GID4: variants seen among roughly 807,000 people sequenced by gnomAD.
GID4 encodes GID complex subunit 4 homolog.
A neutral mutation model predicts 32.4 loss-of-function variants in GID4; 7 were observed. The observed-to-expected ratio is 0.22, with a 90% CI of 0.12 to 0.41. GID4 has a LOEUF of 0.41. Among genes scored for constraint, GID4 ranks in the 10% least tolerant of loss-of-function variants. The pLI is 1.00. For missense variants in GID4, 309 were observed against 400.0 expected (o/e 0.77, Z 1.94); for synonymous variants, 166 against 170.0 (o/e 0.98, Z 0.18).
Position 18,067,103 on chromosome 17 carries a change from T to TGTTGAGCTGATGGCCTTG in GID4, c.*1874_*1891dup, listed in dbSNP as rs1265603589. 1.3e-5 allele frequency: 2 copies of TGTTGAGCTGATGGCCTTG among 152,342 alleles called. No individual in the cohort carries two copies. Among genetic ancestry groups the TGTTGAGCTGATGGCCTTG allele is most frequent in the Non-Finnish European group, 2.9e-5 (2 of 68,156 alleles). The allele number at this position is 152,342 out of a possible 1,614,324, so 9.4% of individuals were successfully genotyped here. On this transcript the variant is annotated 3_prime_UTR_variant, in exon 6 of 6. Coordinates refer to ENST00000268719, the MANE Select transcript of GID4 (RefSeq NM_024052.5). ...TGTGAGGAGATGCTCACTGTGGTCTTGTTGAGCTGATGGCCTTGGTTGAGC... is the reference window on the plus strand; with the variant it reads ...TGTGAGGAGATGCTCACTGTGGTCTTGTTGAGCTGATGGCCTTGGTTGAGCTGATGGCCTTGGTTGAGC...
chr17:18,055,170 CAAAAAAA>C (rs1229089550), intron 3 of GID4, among the ~76,000 whole-genome samples: 1 of 59,754 alleles, frequency 1.7e-5, no homozygotes, highest in Non-Finnish European at 3.5e-5. Context: ...GACTCCGTCT[CAAAAAAA>C]AAAAAAAAAA....
At chr17:18,063,744 A>G (rs1192459676) in intron 5 of GID4, among the ~76,000 whole-genome samples, 1 of 152,026 alleles carries the variant, frequency 6.6e-6, no homozygotes. Flanking sequence ...TTACAGGTAT[A>G]TACAACTTTT....
At chr17:18,041,029 C>G (rs2044795938) in intron 1 of GID4, among the ~76,000 whole-genome samples, 1 of 152,146 alleles carries the variant, frequency 6.6e-6, no homozygotes, top group South Asian at 2.1e-4. Flanking sequence ...TATCTCCCCT[C>G]CCCACAAAAC....
In GID4 at chr17:18,061,338, T is replaced by C. The variant is rs1055848054; in HGVS notation, c.709-507T>C. Among the ~76,000 whole-genome samples, 4 of 152,146 alleles carry C rather than the reference T, an allele frequency of 2.6e-5. No individual in the cohort carries two copies. Among genetic ancestry groups the C allele is most frequent in the African/African-American group, 7.2e-5 (3 of 41,414 alleles). ...CGTTCTGACTGCTTTTGACAAGGCG[T>C]CAAGCTCTTGGAGGGGGTGTCACAG... On this transcript the variant is annotated intron_variant, in intron 4 of 5. Transcript: ENST00000268719. The surrounding 1 kb of genome is among the most constrained non-coding windows in gnomAD (Gnocchi z 4.4).
Position 18,061,823 on chromosome 17 carries a change from G to T in GID4, c.709-22G>T. On this transcript the variant is annotated intron_variant, in intron 4 of 5. Coordinates refer to ENST00000268719, the MANE Select transcript of GID4 (RefSeq NM_024052.5). The surrounding 1 kb of genome is among the most constrained non-coding windows in gnomAD (Gnocchi z 4.4). Reference sequence around the variant, plus strand: ...TGGTCAGAGAATGCTATCTGTTACTGACCCTCTTCATCTGTGTGCAGGAAC... The same window carrying T: ...TGGTCAGAGAATGCTATCTGTTACTTACCCTCTTCATCTGTGTGCAGGAAC... 6.2e-7 allele frequency: 1 copy of T among 1,613,564 alleles called. No individual in the cohort carries two copies. The highest frequency in any genetic ancestry group is 1.1e-5 in the South Asian group (1 of 91,044).
At chr17:18,064,078 T>C (rs1597700541) in intron 5 of GID4, among the ~76,000 whole-genome samples, 1 of 152,228 alleles carries the variant, frequency 6.6e-6, no homozygotes, top group South Asian at 2.1e-4. Context: ...ATTCATTATT[T>C]AGTGGACACT....
At chr17:18,057,222 A>C (rs1023237915) in intron 3 of GID4, 15 of 597,576 alleles carry the variant, frequency 2.5e-5, no homozygotes, top group Non-Finnish European at 4.2e-5. Flanking sequence ...ACCTGAGGTC[A>C]GGAGTTCGAG....
chr17:18,060,263 T>C (rs1304085400), intron 4 of GID4, among the ~76,000 whole-genome samples: 1 of 151,302 alleles, frequency 6.6e-6, no homozygotes, highest in Non-Finnish European at 1.5e-5. Context: ...CCAGGTGTAG[T>C]GGTGCACGCC....
chr17:18,059,731 A>T (rs1201059891), intron 4 of GID4, among the ~76,000 whole-genome samples: 1 of 152,196 alleles, frequency 6.6e-6, no homozygotes, highest in Non-Finnish European at 1.5e-5. Flanking sequence ...CAGCTTTCAT[A>T]AAGATGAATC....
At chr17:18,043,829 G>C (rs2044825588) in intron 1 of GID4, among the ~76,000 whole-genome samples, 1 of 152,148 alleles carries the variant, frequency 6.6e-6, no homozygotes. Context: ...TAAAATCTCA[G>C]TGTACCACAG....
At chr17:18,041,483 G>A (rs911327621) in intron 1 of GID4, among the ~76,000 whole-genome samples, 1 of 152,174 alleles carries the variant, frequency 6.6e-6, no homozygotes, top group South Asian at 2.1e-4. Flanking sequence ...CATGAGCCAC[G>A]ATAGTTATTA....
intron 1 of GID4, among the ~76,000 whole-genome samples, chr17:18,041,673 T>G (rs1396449924): frequency 6.6e-6 from 1 of 152,210 alleles, no homozygotes; most frequent in Non-Finnish European, 1.5e-5. Flanking sequence ...TTTGGGATGA[T>G]CTTGGATTTG....
intron 3 of GID4, chr17:18,057,126 C>T: frequency 7.0e-7 from 1 of 1,421,388 alleles, no homozygotes; most frequent in Non-Finnish European, 9.3e-7. Context: ...ATTCAGTCTA[C>T]ATAGGATAAA....
rs1429493604 is a variant in GID4 at position 18,066,090 on chromosome 17, T to C, written c.*847T>C. 1 of 152,592 alleles carries C rather than the reference T, an allele frequency of 6.6e-6. No individual in the cohort carries two copies. Among genetic ancestry groups the C allele is most frequent in the Non-Finnish European group, 1.5e-5 (1 of 68,038 alleles). The allele number at this position is 152,592 out of a possible 1,614,324, so 9.5% of individuals were successfully genotyped here. ...GGACCCTATGGCAAATGCACAATTA[T>C]TCAGAATTACATTTTATCGTTTTCA... On this transcript the variant is annotated 3_prime_UTR_variant, in exon 6 of 6. Coordinates refer to ENST00000268719, the MANE Select transcript of GID4 (RefSeq NM_024052.5).
At chr17:18,049,375 A>AAAAG (rs1242318929) in intron 2 of GID4, among the ~76,000 whole-genome samples, 1 of 151,998 alleles carries the variant, frequency 6.6e-6, no homozygotes, top group African/African-American at 2.4e-5. Flanking sequence ...AAAAAAAAAA[A>AAAAG]AAAGGAGCTA....
intron 2 of GID4, among the ~76,000 whole-genome samples, chr17:18,046,410 G>A (rs2044852812): frequency 6.6e-6 from 1 of 152,122 alleles, no homozygotes; most frequent in Non-Finnish European, 1.5e-5. Context: ...TTCAAGACCA[G>A]CCTGGACAGC....
intron 2 of GID4, among the ~76,000 whole-genome samples, chr17:18,048,343 G>A (rs2044875770): frequency 6.6e-6 from 1 of 152,036 alleles, no homozygotes; most frequent in South Asian, 2.1e-4. Flanking sequence ...TTACAGGCGT[G>A]CGCCACCCTG....
chr17:18,041,930 T>G (rs772211281), intron 1 of GID4, among the ~76,000 whole-genome samples: 1 of 152,174 alleles, frequency 6.6e-6, no homozygotes, highest in African/African-American at 2.4e-5. Flanking sequence ...GGGAGCCACT[T>G]GAGTAAGATG....
At chr17:18,064,970 T>C (rs2045047565) in intron 5 of GID4, among the ~76,000 whole-genome samples, 1 of 152,106 alleles carries the variant, frequency 6.6e-6, no homozygotes, top group African/African-American at 2.4e-5. Context: ...AAAAAAACAT[T>C]CATCTAGTGC....
Sources: gnomAD v4.1 joint callset for allele counts (sites outside exome capture counted in the v4.1 genomes callset) on GRCh38, gnomAD v4.1.1 for gene constraint, Gnocchi (gnomAD v3.1) non-coding constraint, MANE v1.5 for transcripts, NCBI Gene and HGNC (gene_info 2026-07-23, HGNC 2026-07-21) for gene names.